PCDH15: variants seen among roughly 807,000 people sequenced by gnomAD.
PCDH15 encodes protocadherin-15.
Under a neutral mutation model 178.5 loss-of-function variants are expected in PCDH15, and 129 were observed. The observed-to-expected ratio is 0.72, with a 90% CI of 0.63 to 0.84. PCDH15 has a LOEUF of 0.84. Ranked by LOEUF, PCDH15 falls within the 40% of genes least tolerant of loss-of-function variation. The pLI is 0.00. For synonymous variants in PCDH15, 800 were observed against 732.0 expected (o/e 1.09, Z -1.50); for missense variants, 2,230 against 2,099.9 (o/e 1.06, Z -1.21).
At chr10:54,336,962 C>G (rs1213254367) in intron 6 of PCDH15, among the ~76,000 whole-genome samples, 1 of 152,122 alleles carries the variant, frequency 6.6e-6, no homozygotes, top group Non-Finnish European at 1.5e-5. Context: ...CCATGGGAAC[C>G]CACTTCTTGC....
chr10:54,946,204 T>C (rs1255274367), intron 2 of PCDH15, among the ~76,000 whole-genome samples: 1 of 151,834 alleles, frequency 6.6e-6, no homozygotes, highest in Non-Finnish European at 1.5e-5. Flanking sequence ...ATGAGTGGTA[T>C]ATAGATGAGA....
intron 10 of PCDH15, among the ~76,000 whole-genome samples, chr10:54,210,570 T>G (rs556746653): frequency 7.0e-4 from 106 of 152,164 alleles, no homozygotes; most frequent in African/African-American, 2.5e-3. Context: ...GGCAAATGTC[T>G]TCTTAGTTAA....
rs576863100 is a variant in PCDH15, at chr10:55,045,522, C to A, written c.-80+121054G>T. On this transcript the variant is annotated intron_variant, in intron 2 of 5. Transcript: ENST00000458638. Reference sequence around the variant, plus strand: ...TTGTGGGTACACAATCATGACATACCTTTTTATTTACTTCAAATGTTTCAT... The same window carrying A: ...TTGTGGGTACACAATCATGACATACATTTTTATTTACTTCAAATGTTTCAT... Among the ~76,000 whole-genome samples, 13 of 152,104 alleles carry A rather than the reference C, an allele frequency of 8.5e-5. No homozygotes were observed. In the South Asian group the frequency reaches 2.7e-3, roughly 32 times the overall value.
intron 8 of PCDH15, among the ~76,000 whole-genome samples, chr10:54,279,766 C>A (rs1455902346): frequency 6.6e-6 from 1 of 151,782 alleles, no homozygotes; most frequent in Admixed American, 6.6e-5. Context: ...GAACTCACAT[C>A]TTTATAATTT....
At chr10:54,367,793 A>G (rs115635270) in intron 5 of PCDH15, among the ~76,000 whole-genome samples, 15,864 of 151,534 alleles carry the variant, frequency 0.1, 928 homozygotes, top group African/African-American at 0.15. Context: ...GTATCCCAGA[A>G]CTAACATATA....
intron 1 of PCDH15, among the ~76,000 whole-genome samples, chr10:54,785,764 C>T (rs924500178): frequency 2.0e-5 from 3 of 151,864 alleles, no homozygotes; most frequent in South Asian, 2.1e-4. Context: ...TAAGATTTAC[C>T]GTCATCTGTT....
At chr10:55,609,564 T>C (rs1714173548) in intron 2 of PCDH15, among the ~76,000 whole-genome samples, 1 of 152,106 alleles carries the variant, frequency 6.6e-6, no homozygotes, top group African/African-American at 2.4e-5. Flanking sequence ...TATGTCAAAA[T>C]GAAAGGCCTC....
intron 1 of PCDH15, among the ~76,000 whole-genome samples, chr10:54,788,809 G>T (rs1014923476): frequency 1.3e-5 from 2 of 151,680 alleles, no homozygotes; most frequent in African/African-American, 4.8e-5. Context: ...GGGCATCTCA[G>T]AAAAATAGTA....
chr10:55,133,406 C>A (rs1231862862), intron 2 of PCDH15, among the ~76,000 whole-genome samples: 1 of 152,154 alleles, frequency 6.6e-6, no homozygotes, highest in African/African-American at 2.4e-5. Flanking sequence ...ACTGGCCACT[C>A]CTTCCCAGCC....
intron 2 of PCDH15, among the ~76,000 whole-genome samples, chr10:55,369,010 CAAAAAAAAAAA>C (rs60906060): frequency 1.2e-5 from 1 of 86,184 alleles, no homozygotes; most frequent in Admixed American, 1.5e-4. Context: ...TTTTTGGGAC[CAAAAAAAAAAA>C]AAAAAAAAAA....
intron 21 of PCDH15, among the ~76,000 whole-genome samples, chr10:53,963,870 T>C (rs1292945091): frequency 1.3e-5 from 2 of 152,186 alleles, no homozygotes; most frequent in Non-Finnish European, 2.9e-5. Context: ...TCTGCTTCCA[T>C]TGTATTAAAA....
At chr10:53,908,107 G>A (rs1036848357) in intron 25 of PCDH15, among the ~76,000 whole-genome samples, 1 of 152,142 alleles carries the variant, frequency 6.6e-6, no homozygotes. Flanking sequence ...TCTCAACTGG[G>A]ATCAATTTGG....
chr10:55,296,790 C>T (rs188031280), intron 1 of PCDH15, among the ~76,000 whole-genome samples: 2 of 152,034 alleles, frequency 1.3e-5, no homozygotes, highest in Admixed American at 1.3e-4. Context: ...TCTTGACAAA[C>T]ACATTGTCAC....
At chr10:54,853,281 GTA>G (rs1206465510) in intron 3 of PCDH15, among the ~76,000 whole-genome samples, 18 of 68,206 alleles carry the variant, frequency 2.6e-4, no homozygotes, top group South Asian at 1.1e-3. Context: ...ATATGTGTAT[GTA>G]TGTGTGTATA....
intron 1 of PCDH15, among the ~76,000 whole-genome samples, chr10:55,288,206 C>T (rs1420350066): frequency 6.7e-6 from 1 of 149,140 alleles, no homozygotes; most frequent in East Asian, 2.0e-4. Flanking sequence ...CGTAGGCTAA[C>T]TTGAAGAAAA....
chr10:54,770,998 C>G (rs992837487), intron 1 of PCDH15, among the ~76,000 whole-genome samples: 17 of 151,978 alleles, frequency 1.1e-4, no homozygotes, highest in Admixed American at 1.3e-4. Context: ...TTTTTACCTA[C>G]TTGGGAACTT....
chr10:55,500,143 A>G (rs1206733999), intron 2 of PCDH15, among the ~76,000 whole-genome samples: 2 of 151,272 alleles, frequency 1.3e-5, no homozygotes, highest in Non-Finnish European at 2.9e-5. Context: ...AGTTTAATAC[A>G]TCAGATAAGA....
intron 3 of PCDH15, among the ~76,000 whole-genome samples, chr10:54,435,393 T>C (rs1276849119): frequency 6.6e-6 from 1 of 152,208 alleles, no homozygotes; most frequent in Non-Finnish European, 1.5e-5. Context: ...ACCCAGATTA[T>C]GCTAGGTCTC....
intron 1 of PCDH15, among the ~76,000 whole-genome samples, chr10:54,793,679 CACATATATATACATATATAA>C (rs1048685787): frequency 3.4e-5 from 5 of 148,160 alleles, no homozygotes; most frequent in African/African-American, 4.9e-5. Flanking sequence ...CATATATACA[CACATATATATACATATATAA>C]ACATATATAT....
Sources: gnomAD v4.1 joint callset for allele counts (sites outside exome capture counted in the v4.1 genomes callset) on GRCh38, gnomAD v4.1.1 for gene constraint, MANE v1.5 for transcripts, NCBI Gene and HGNC (gene_info 2026-07-23, HGNC 2026-07-21) for gene names.